The following HIKESHI variants were observed in gnomAD, a reference collection of about 807,000 sequenced individuals.
HIKESHI encodes heat shock protein nuclear import factor hikeshi, also known as protein Hikeshi.
In HIKESHI, 13 loss-of-function variants were observed where a neutral mutation model predicts 25.7. The ratio of observed to expected loss-of-function variants is 0.51; its 90% CI spans 0.33 to 0.80. The LOEUF is 0.80. Ranked by LOEUF, HIKESHI falls within the 30% of genes least tolerant of loss-of-function variation. HIKESHI has a pLI of 0.02. For missense variants in HIKESHI, 174 were observed against 229.5 expected, an observed-to-expected ratio of 0.76 and a Z score of 1.56; for synonymous variants, 76 against 78.7, an observed-to-expected ratio of 0.97 and a Z score of 0.18.
chr11:86,345,704 T>G lies in HIKESHI; in HGVS notation c.*66T>G. 1.0e-6 allele frequency: 1 copy of G among 982,902 alleles called. No homozygotes were observed. The highest frequency in any genetic ancestry group is 3.3e-4 in the Middle Eastern group (1 of 3,034). 60.9% of individuals were successfully genotyped at this position (982,902 alleles called of 1,614,324 possible). On this transcript the variant is annotated 3_prime_UTR_variant, in exon 5 of 5. Transcript: ENST00000278483. The stretch of plus-strand genomic sequence containing the variant: ...TGTTTTGAAGATAACTGACTCCATC[T>G]AAAAGTATGAGGTCAAAGGATCACG...
At chr11:86,345,144 A>G in intron 4 of HIKESHI, 1 of 1,042,144 alleles carries the variant, frequency 9.6e-7, no homozygotes, top group Non-Finnish European at 1.2e-6. Context: ...GCCTAGGAAG[A>G]GTTTGTTGAG....
At chr11:86,324,085 A>G (rs1246524485) in intron 2 of HIKESHI, 1 of 152,094 alleles carries the variant, frequency 6.6e-6, no homozygotes, top group African/African-American at 2.4e-5. Context: ...GCTATTGATC[A>G]GCATGAAGTT....
chr11:86,342,723 A>AT (rs57183083), intron 3 of HIKESHI, among the ~76,000 whole-genome samples: 9,199 of 148,764 alleles, frequency 0.062, 356 homozygotes, highest in African/African-American at 0.1. Flanking sequence ...AATTTGTCCC[A>AT]TTTTTTTTTT....
At chr11:86,314,033 C>T (rs1434274014) in intron 2 of HIKESHI, among the ~76,000 whole-genome samples, 1 of 152,150 alleles carries the variant, frequency 6.6e-6, no homozygotes, top group Non-Finnish European at 1.5e-5. Context: ...AATAGGTCAG[C>T]AGTTTTTAAC....
chr11:86,326,226 T>C (rs1309088647), intron 2 of HIKESHI, among the ~76,000 whole-genome samples: 1 of 151,784 alleles, frequency 6.6e-6, no homozygotes, highest in Non-Finnish European at 1.5e-5. Flanking sequence ...TGAACCCAGG[T>C]GGTGGAGGTT....
intron 2 of HIKESHI, among the ~76,000 whole-genome samples, chr11:86,308,559 T>TTTTATTTATTTATTTAATTTA (rs138719804): frequency 2.6e-4 from 37 of 142,534 alleles, no homozygotes; most frequent in African/African-American, 9.1e-4. Context: ...CCATAATTCT[T>TTTTATTTATTTATTTAATTTA]TTTATTTATT....
chr11:86,328,730 C>T (rs565371141), intron 2 of HIKESHI, among the ~76,000 whole-genome samples: 25 of 152,154 alleles, frequency 1.6e-4, no homozygotes, highest in African/African-American at 6.0e-4. Flanking sequence ...GCATGAGCCA[C>T]CATGCCTGAC....
intron 2 of HIKESHI, among the ~76,000 whole-genome samples, chr11:86,325,321 T>C (rs982314290): frequency 5.3e-5 from 8 of 152,126 alleles, no homozygotes; most frequent in African/African-American, 7.2e-5. Context: ...GAGAACTACA[T>C]GTACTTGTAG....
intron 2 of HIKESHI, among the ~76,000 whole-genome samples, chr11:86,334,236 A>ATG (rs60951435): frequency 0.072 from 10,592 of 146,998 alleles, 469 homozygotes; most frequent in African/African-American, 0.12. Context: ...TTTGTAAAAT[A>ATG]TGTGTGTGTG....
rs963718816 is a variant in HIKESHI, at chr11:86,345,896, T to G, written c.*258T>G. The G allele has an allele frequency of 4.1e-6, 1 of 241,162 alleles. No individual in the cohort carries two copies. Among genetic ancestry groups the G allele is most frequent in the Non-Finnish European group, 7.9e-6 (1 of 127,382 alleles). The allele number at this position is 241,162 out of a possible 1,614,324, so 14.9% of individuals were successfully genotyped here. A position where few individuals can be genotyped will look rare whatever the true frequency, so the allele number is the denominator to read the frequency against. On this transcript the variant is annotated 3_prime_UTR_variant, in exon 5 of 5. Transcript: ENST00000278483. ...CATTTTGTTTTGGCTATGATTCATT[T>G]TTTTTACTTAAAAATAAAACCTATA...
intron 2 of HIKESHI, among the ~76,000 whole-genome samples, chr11:86,309,673 A>G (rs1220259551): frequency 6.6e-6 from 1 of 152,116 alleles, no homozygotes; most frequent in South Asian, 2.1e-4. Flanking sequence ...GGTATTGCAT[A>G]GGTTTTCTTT....
At chr11:86,308,559 T>TTTATTTATTTATTTATTTA (rs1946744764) in intron 2 of HIKESHI, among the ~76,000 whole-genome samples, 2 of 142,532 alleles carry the variant, frequency 1.4e-5, no homozygotes, top group African/African-American at 5.2e-5. Flanking sequence ...CCATAATTCT[T>TTTATTTATTTATTTATTTA]TTTATTTATT....
Position 86,313,897 on chromosome 11 carries a change from G to A in HIKESHI, c.268+7415G>A, listed in dbSNP as rs990223631. ...TCTATTGGGCATTCTTTTCTAGGTG[G>A]AGGTAATAGAGGCATAAGGTGAAAG... On this transcript the variant is annotated intron_variant, in intron 2 of 4. Transcript: ENST00000278483. Among the ~76,000 whole-genome samples, 5 of 152,282 alleles carry A rather than the reference G, an allele frequency of 3.3e-5. 1 individual carries two copies. The South Asian group carries it at 6.2e-4, about 19-fold the overall frequency.
In HIKESHI at chr11:86,343,178, C is replaced by G. The variant is rs558784607; in HGVS notation, c.421-1425C>G. The stretch of plus-strand genomic sequence containing the variant: ...TCTTTATAATATTTTCCACAAAAAT[C>G]TTACTAGTTTGTCTTAGCATTTTTT... On this transcript the variant is annotated intron_variant, in intron 3 of 4. Transcript: ENST00000278483. Among the ~76,000 whole-genome samples, 6 of 152,164 alleles carry G rather than the reference C, an allele frequency of 3.9e-5. No individual in the cohort carries two copies. The South Asian group carries it at 1.0e-3, about 26-fold the overall frequency.
At chr11:86,311,089 AG>A (rs1946821384) in intron 2 of HIKESHI, among the ~76,000 whole-genome samples, 1 of 152,166 alleles carries the variant, frequency 6.6e-6, no homozygotes, top group South Asian at 2.1e-4. Context: ...TGAATTAGGG[AG>A]GATTCCCTCT....
chr11:86,315,997 A>T (rs1240022692), intron 2 of HIKESHI, among the ~76,000 whole-genome samples: 5 of 151,786 alleles, frequency 3.3e-5, no homozygotes, highest in African/African-American at 1.2e-4. Flanking sequence ...AAGTAAAAGT[A>T]AGCTGGGTGT....
At chr11:86,321,142 C>T (rs183752699) in intron 2 of HIKESHI, among the ~76,000 whole-genome samples, 3 of 152,250 alleles carry the variant, frequency 2.0e-5, no homozygotes, top group Non-Finnish European at 4.4e-5. Flanking sequence ...ACCATGTTGG[C>T]CAGGCTGGTC....
intron 2 of HIKESHI, among the ~76,000 whole-genome samples, chr11:86,327,876 GA>G (rs1947323132): frequency 6.6e-6 from 1 of 152,126 alleles, no homozygotes; most frequent in South Asian, 2.1e-4. Flanking sequence ...GAAACTCCTA[GA>G]AGTGGAACTA....
rs182192838 is a variant in HIKESHI at position 86,335,214 on chromosome 11, A to T, written c.269-2165A>T. Reference sequence around the variant, plus strand: ...CTGGTGGCTTGCTAGAAGACTGTTTAAAAAAAAAGAGGTCTGCCTTTATGT... The same window carrying T: ...CTGGTGGCTTGCTAGAAGACTGTTTTAAAAAAAAGAGGTCTGCCTTTATGT... On this transcript the variant is annotated intron_variant, in intron 2 of 4. Coordinates refer to ENST00000278483, the MANE Select transcript of HIKESHI (RefSeq NM_016401.4). Among the ~76,000 whole-genome samples the T allele has an allele frequency of 7.7e-3, 1,169 of 151,322 alleles. 5 individuals are homozygous for T. Among genetic ancestry groups the T allele is most frequent in the Non-Finnish European group, 0.013 (876 of 67,764 alleles).
Sources: allele counts gnomAD v4.1 joint callset (sites outside exome capture counted in the v4.1 genomes callset), GRCh38; gene constraint gnomAD v4.1.1; transcripts MANE v1.5; gene names NCBI Gene and HGNC (gene_info 2026-07-23, HGNC 2026-07-21).